The following KLF12 variants were observed in gnomAD, a reference collection of about 807,000 sequenced individuals.
KLF12 encodes KLF transcription factor 12.
Under a neutral mutation model 37.8 loss-of-function variants are expected in KLF12, and 9 were observed. That is an observed-to-expected ratio of 0.24 (90% CI 0.14 to 0.42). The LOEUF is 0.42. Among genes scored for constraint, KLF12 ranks in the 10% least tolerant of loss-of-function variants. The probability of loss-of-function intolerance (pLI) is 1.00; values close to 1 mark genes in which losing one functional copy is unlikely to be tolerated. For synonymous variants in KLF12, 208 were observed against 202.1 expected, an observed-to-expected ratio of 1.03 and a Z score of -0.25; for missense variants, 411 against 516.0, an observed-to-expected ratio of 0.80 and a Z score of 1.97.
At chr13:73,746,423 T>C (rs950367125) in intron 6 of KLF12, among the ~76,000 whole-genome samples, 22 of 152,348 alleles carry the variant, frequency 1.4e-4, no homozygotes, top group African/African-American at 4.8e-4. Flanking sequence ...ATAACTTTAC[T>C]AACTCATTCA....
intron 7 of KLF12, among the ~76,000 whole-genome samples, chr13:73,698,642 T>C (rs1287733929): frequency 1.3e-5 from 2 of 152,210 alleles, no homozygotes; most frequent in Admixed American, 6.6e-5. Context: ...AATTTTAGTG[T>C]CCATAAATAA....
At chr13:74,110,023 G>T (rs1355671955) in intron 1 of KLF12, among the ~76,000 whole-genome samples, 1 of 152,150 alleles carries the variant, frequency 6.6e-6, no homozygotes, top group Admixed American at 6.5e-5. Context: ...ACTAAGAGAG[G>T]ATAGTAAACT....
In KLF12 at chr13:73,915,306, T is replaced by C. The variant is rs141049536; in HGVS notation, c.123+28675A>G. On this transcript the variant is annotated intron_variant, in intron 3 of 7. Transcript: ENST00000377669. ...CATAATTGCATCTGAAAAATTTCTT[T>C]TGCGGATGATAAGGTGACATGCACA... Among the ~76,000 whole-genome samples, 6 of 152,278 alleles carry C rather than the reference T, an allele frequency of 3.9e-5. No individual in the cohort carries two copies. In the East Asian group the frequency reaches 1.2e-3, roughly 29 times the overall value.
At chr13:73,759,939 A>G (rs764373497) in intron 6 of KLF12, among the ~76,000 whole-genome samples, 3 of 152,200 alleles carry the variant, frequency 2.0e-5, no homozygotes, top group Non-Finnish European at 4.4e-5. Flanking sequence ...CATTTTTATG[A>G]CAAAACTCTC....
intron 4 of KLF12, among the ~76,000 whole-genome samples, chr13:73,826,033 G>A (rs1750174268): frequency 6.6e-6 from 1 of 151,912 alleles, no homozygotes; most frequent in African/African-American, 2.4e-5. Flanking sequence ...AGTGCATTGG[G>A]ACGATCTCGG....
the KLF12 span, among the ~76,000 whole-genome samples, chr13:74,219,662 ACTTT>A: frequency 6.6e-6 from 1 of 152,188 alleles, no homozygotes; most frequent in East Asian, 1.9e-4. Flanking sequence ...GGGTCTTATT[ACTTT>A]CTTTCTAAAA....
chr13:74,202,792 T>A, the KLF12 span, among the ~76,000 whole-genome samples: 1 of 152,130 alleles, frequency 6.6e-6, no homozygotes, highest in East Asian at 1.9e-4. Context: ...ACCTCAGTAA[T>A]CACTGGACAG....
rs182319007 is a variant in KLF12, at chr13:73,824,308, G to A, written c.671-11021C>T. Among the ~76,000 whole-genome samples, 224 of 152,130 alleles carry A rather than the reference G, an allele frequency of 1.5e-3. 1 individual carries two copies. Among genetic ancestry groups the A allele is most frequent in the African/African-American group, 4.9e-3 (204 of 41,506 alleles). On this transcript the variant is annotated intron_variant, in intron 4 of 7. Coordinates refer to ENST00000377669, the MANE Select transcript of KLF12 (RefSeq NM_007249.5). Reference sequence around the variant, plus strand: ...CAGTCTCACTCATAAACTGACCCCCGGTGCATAGGATTCTAACTTGGAACT... The same window carrying A: ...CAGTCTCACTCATAAACTGACCCCCAGTGCATAGGATTCTAACTTGGAACT...
chr13:74,083,121 G>C (rs531886659), intron 1 of KLF12, among the ~76,000 whole-genome samples: 6 of 152,238 alleles, frequency 3.9e-5, no homozygotes, highest in African/African-American at 1.2e-4. Context: ...TAAAAGCGTG[G>C]GGCCCACAGT....
Position 73,804,264 on chromosome 13 carries a change from A to G in KLF12, c.806+8888T>C, listed in dbSNP as rs866972956. 3.9e-5 allele frequency among the ~76,000 whole-genome samples: 6 copies of G among 152,254 alleles called. No individual in the cohort carries two copies. The South Asian group carries it at 1.0e-3, about 26-fold the overall frequency. ...ACTTTAGTTCATCCCATAAAGTTTG[A>G]CTCTGAGCTCCTCAGGGTCAGAACT... is the stretch of plus-strand genomic sequence containing the variant. On this transcript the variant is annotated intron_variant, in intron 5 of 7. Coordinates refer to ENST00000377669, the MANE Select transcript of KLF12 (RefSeq NM_007249.5).
chr13:74,297,706 G>A, the KLF12 span, among the ~76,000 whole-genome samples: 3 of 151,986 alleles, frequency 2.0e-5, no homozygotes, highest in Non-Finnish European at 1.5e-5. Context: ...ATAAAACATT[G>A]GTATGGCCCA....
chr13:73,718,974 T>A (rs1428204308), intron 6 of KLF12, among the ~76,000 whole-genome samples: 1 of 152,196 alleles, frequency 6.6e-6, no homozygotes, highest in Non-Finnish European at 1.5e-5. Flanking sequence ...AATAATTTTT[T>A]AAAAGGATAT....
chr13:74,044,897 A>G (rs966937920), intron 1 of KLF12, among the ~76,000 whole-genome samples: 1 of 152,194 alleles, frequency 6.6e-6, no homozygotes, highest in Non-Finnish European at 1.5e-5. Context: ...CCAAAGCTAA[A>G]ACAAATTGGG....
chr13:73,764,707 G>GA (rs757759333), intron 6 of KLF12, among the ~76,000 whole-genome samples: 235 of 151,988 alleles, frequency 1.5e-3, no homozygotes, highest in Admixed American at 2.8e-3. Context: ...GATCATATCT[G>GA]TCAAAAAAAA....
the KLF12 span, among the ~76,000 whole-genome samples, chr13:74,219,975 T>C: frequency 6.6e-6 from 1 of 152,176 alleles, no homozygotes; most frequent in Admixed American, 6.5e-5. Flanking sequence ...AAAAGTCTAA[T>C]GTGTTTAATT....
the KLF12 span, among the ~76,000 whole-genome samples, chr13:74,200,190 A>AGG: frequency 2.6e-4 from 10 of 39,070 alleles, no homozygotes; most frequent in African/African-American, 7.6e-4. Context: ...AAGCTTGCTC[A>AGG]GGGGGGGGGT....
At chr13:74,123,635 G>GTTACATATGGATTCTTTCTA (rs1394460838) in intron 1 of KLF12, among the ~76,000 whole-genome samples, 1 of 152,210 alleles carries the variant, frequency 6.6e-6, no homozygotes, top group Admixed American at 6.5e-5. Context: ...TCTCTGGGCT[G>GTTACATATGGATTCTTTCTA]TTACATATGG....
intron 1 of KLF12, among the ~76,000 whole-genome samples, chr13:74,041,576 G>T (rs1893401938): frequency 6.6e-6 from 1 of 152,016 alleles, no homozygotes; most frequent in South Asian, 2.1e-4. Flanking sequence ...TCAATTTGCT[G>T]CAGCAACTCT....
chr13:74,049,911 T>G (rs1872793267), intron 1 of KLF12, among the ~76,000 whole-genome samples: 2 of 152,330 alleles, frequency 1.3e-5, no homozygotes, highest in African/African-American at 4.8e-5. Flanking sequence ...CACTGTTGCT[T>G]GCCATCTGAA....
Sources: gnomAD v4.1 joint callset for allele counts (sites outside exome capture counted in the v4.1 genomes callset) on GRCh38, gnomAD v4.1.1 for gene constraint, MANE v1.5 for transcripts, NCBI Gene and HGNC (gene_info 2026-07-23, HGNC 2026-07-21) for gene names.